The following RUNDC3B variants were observed in gnomAD, a reference collection of about 807,000 sequenced individuals.
The protein encoded by RUNDC3B is RUN domain containing 3B, also known as RUN domain-containing protein 3B.
A neutral mutation model predicts 58.4 loss-of-function variants in RUNDC3B; 33 were observed. That is an observed-to-expected ratio of 0.56 (90% CI 0.43 to 0.75). RUNDC3B has a LOEUF of 0.75. Among genes scored for constraint, RUNDC3B ranks in the 30% least tolerant of loss-of-function variants. RUNDC3B has a pLI of 0.00. For missense variants in RUNDC3B, 501 were observed against 535.7 expected, an observed-to-expected ratio of 0.94 and a Z score of 0.64; for synonymous variants, 193 against 195.2, an observed-to-expected ratio of 0.99 and a Z score of 0.10.
rs1823107631 is a variant in RUNDC3B at position 87,647,304 on chromosome 7, T to C, written c.123-3518T>C. 1.3e-5 allele frequency among the ~76,000 whole-genome samples: 2 copies of C among 152,212 alleles called. 1 individual carries two copies. The highest frequency in any genetic ancestry group is 2.9e-5 in the Non-Finnish European group (2 of 68,024). The stretch of plus-strand genomic sequence containing the variant: ...TTAAAATTTCCATTCTCTTTTGTTG[T>C]TGTTATTGTCATTTTCTTTGTCTTT... On this transcript the variant is annotated intron_variant, in intron 1 of 10. Transcript: ENST00000394654.
chr7:87,678,265 C>A (rs1264020203), intron 2 of RUNDC3B, among the ~76,000 whole-genome samples: 1 of 152,160 alleles, frequency 6.6e-6, no homozygotes, highest in Non-Finnish European at 1.5e-5. Context: ...TGACTCTACT[C>A]TTGAAAGCAA....
chr7:87,750,871 C>T (rs1373827510), intron 6 of RUNDC3B, among the ~76,000 whole-genome samples: 2 of 151,434 alleles, frequency 1.3e-5, no homozygotes. Flanking sequence ...TGTGCAGAAG[C>T]TCTTTAGTTT....
At position 87,819,478 on chromosome 7, in the gene RUNDC3B, C is replaced by T. The variant is rs796160015; in HGVS notation, c.1225+3216C>T. 1.2e-4 allele frequency among the ~76,000 whole-genome samples: 19 copies of T among 152,162 alleles called. No individual in the cohort carries two copies. The South Asian group carries it at 3.5e-3, about 28-fold the overall frequency. ...CCACTATCAACATTAGACAGATCAACGAGACAGAAAGTTAACAAGGATACC... is the reference window on the plus strand; with the variant it reads ...CCACTATCAACATTAGACAGATCAATGAGACAGAAAGTTAACAAGGATACC... On this transcript the variant is annotated intron_variant, in intron 10 of 10. Coordinates refer to ENST00000394654, the MANE Select transcript of RUNDC3B (RefSeq NM_001134405.2).
At chr7:87,741,450 T>C in intron 5 of RUNDC3B, 49 bp from the exon 6 acceptor site, 1 of 1,048,294 alleles carries the variant, frequency 9.5e-7, no homozygotes, top group East Asian at 2.8e-5. Flanking sequence ...TTAACTTTGA[T>C]TTAAAATTTT....
intron 2 of RUNDC3B, among the ~76,000 whole-genome samples, chr7:87,672,417 G>A (rs73705297): frequency 6.6e-6 from 1 of 152,296 alleles, no homozygotes; most frequent in African/African-American, 2.4e-5. Context: ...CTAGGGAGGT[G>A]CAGTGCTGCT....
At chr7:87,803,285 G>T (rs996922369) in intron 8 of RUNDC3B, among the ~76,000 whole-genome samples, 3 of 152,066 alleles carry the variant, frequency 2.0e-5, no homozygotes, top group Non-Finnish European at 4.4e-5. Context: ...TAACAATTTT[G>T]CAGGAGAGCT....
chr7:87,727,587 A>AG (rs1019570594), intron 4 of RUNDC3B, among the ~76,000 whole-genome samples: 1 of 151,938 alleles, frequency 6.6e-6, no homozygotes, highest in Non-Finnish European at 1.5e-5. Flanking sequence ...CATTAGCTAC[A>AG]TTTTTTTCCC....
intron 6 of RUNDC3B, among the ~76,000 whole-genome samples, chr7:87,748,089 C>A (rs983927249): frequency 1.3e-5 from 2 of 152,176 alleles, no homozygotes; most frequent in African/African-American, 4.8e-5. Flanking sequence ...GGCTGCCCTC[C>A]CTTTGGATCC....
intron 1 of RUNDC3B, among the ~76,000 whole-genome samples, chr7:87,641,696 T>C (rs746861205): frequency 4.3e-4 from 66 of 152,200 alleles, no homozygotes; most frequent in Non-Finnish European, 6.9e-4. Context: ...TCCTCCAAAA[T>C]ACATATTGTT....
chr7:87,817,251 C>G (rs1021059923), intron 10 of RUNDC3B, among the ~76,000 whole-genome samples: 2 of 152,198 alleles, frequency 1.3e-5, no homozygotes, highest in African/African-American at 4.8e-5. Context: ...TACATTTACT[C>G]ATAATCTTCT....
At chr7:87,699,198 GATTTAAAGTAAATA>G (rs1331596695) in intron 2 of RUNDC3B, among the ~76,000 whole-genome samples, 1 of 151,832 alleles carries the variant, frequency 6.6e-6, no homozygotes, top group East Asian at 1.9e-4. Context: ...AGGAAGGGAG[GATTTAAAGTAAATA>G]ATTAAATCAT....
chr7:87,807,546 T>G (rs573143551), intron 9 of RUNDC3B, 27 bp downstream of exon 9: 1 of 1,565,130 alleles, frequency 6.4e-7, no homozygotes, highest in Non-Finnish European at 8.8e-7. Context: ...TTTTTCCAAC[T>G]AATTAATAGT....
chr7:87,707,582 G>T (rs1369284125), intron 3 of RUNDC3B, among the ~76,000 whole-genome samples: 3 of 152,118 alleles, frequency 2.0e-5, no homozygotes, highest in African/African-American at 7.2e-5. Context: ...GCTGAGGTGG[G>T]AGGGTCACTT....
chr7:87,682,078 A>T (rs1826981043), intron 2 of RUNDC3B, among the ~76,000 whole-genome samples: 1 of 152,240 alleles, frequency 6.6e-6, no homozygotes, highest in Non-Finnish European at 1.5e-5. Flanking sequence ...CACCAGGAGT[A>T]CATTCCATTT....
chr7:87,805,667 A>G lies in RUNDC3B; in HGVS notation c.957-1706A>G, dbSNP rs563791694. Among the ~76,000 whole-genome samples the G allele has an allele frequency of 8.5e-4, 130 of 152,338 alleles. 1 individual carries two copies. The highest frequency in any genetic ancestry group is 9.7e-4 in the Non-Finnish European group (66 of 68,018). On this transcript the variant is annotated intron_variant, in intron 8 of 10. Coordinates refer to ENST00000394654, the MANE Select transcript of RUNDC3B (RefSeq NM_001134405.2). ...TCACTTTCCAGAAAGAATATATTCT[A>G]AATTGGAGGTTGTTAATTACTATTA...
intron 7 of RUNDC3B, among the ~76,000 whole-genome samples, chr7:87,772,921 T>C (rs1342603718): frequency 6.6e-6 from 1 of 151,946 alleles, no homozygotes; most frequent in Non-Finnish European, 1.5e-5. Flanking sequence ...GGGATAAATA[T>C]ACTAGATAGA....
intron 4 of RUNDC3B, among the ~76,000 whole-genome samples, chr7:87,723,480 A>G (rs1405046022): frequency 1.3e-5 from 2 of 152,216 alleles, no homozygotes; most frequent in East Asian, 1.9e-4. Flanking sequence ...TTCAAAGAAC[A>G]GAAATGTCCA....
chr7:87,753,756 A>G lies in RUNDC3B; in HGVS notation c.629+12177A>G, dbSNP rs964803248. Among the ~76,000 whole-genome samples the G allele has an allele frequency of 2.1e-4, 32 of 152,176 alleles. 1 individual carries two copies. The highest frequency in any genetic ancestry group is 1.0e-4 in the Non-Finnish European group (7 of 68,002). On this transcript the variant is annotated intron_variant, in intron 6 of 10. Transcript: ENST00000394654. ...GGATCCATCAGCAAATTCTTTGTCA[A>G]CTCCACCTCAATTTAAACCTGGAAA...
chr7:87,811,622 G>A (rs1836721331), intron 9 of RUNDC3B, among the ~76,000 whole-genome samples: 1 of 152,122 alleles, frequency 6.6e-6, no homozygotes, highest in African/African-American at 2.4e-5. Flanking sequence ...GGGATTACAG[G>A]CATGAGCCAC....
Sources: allele counts gnomAD v4.1 joint callset (sites outside exome capture counted in the v4.1 genomes callset), GRCh38; gene constraint gnomAD v4.1.1; transcripts MANE v1.5; gene names NCBI Gene and HGNC (gene_info 2026-07-23, HGNC 2026-07-21).